Variants in BBS9 observed in about 807,000 individuals in gnomAD.
BBS9 encodes the protein Bardet-Biedl syndrome 9.
A neutral mutation model predicts 117.7 loss-of-function variants in BBS9; 89 were observed. That is an observed-to-expected ratio of 0.76 (90% confidence interval 0.64 to 0.90). BBS9 has a LOEUF of 0.90. Among genes scored for constraint, BBS9 ranks in the 40% least tolerant of loss-of-function variants. The pLI, the probability that BBS9 is intolerant of heterozygous loss-of-function variation, is 0.00. For missense variants in BBS9, 982 were observed against 1,042.2 expected, an observed-to-expected ratio of 0.94 and a Z score of 0.80; for synonymous variants, 379 against 370.9, an observed-to-expected ratio of 1.02 and a Z score of -0.25.
intron 19 of BBS9, among the ~76,000 whole-genome samples, chr7:33,416,913 T>C (rs1832097253): frequency 1.3e-5 from 2 of 152,192 alleles, no homozygotes; most frequent in Admixed American, 6.5e-5. Context: ...TTGATGCTCC[T>C]AGGTTTCTTT....
chr7:33,312,862 C>T (rs1353498684), intron 9 of BBS9, among the ~76,000 whole-genome samples: 1 of 152,068 alleles, frequency 6.6e-6, no homozygotes, highest in African/African-American at 2.4e-5. Flanking sequence ...ATTTTTCTCA[C>T]CCCTCTAAAA....
chr7:33,444,346 G>C (rs1185029354), intron 19 of BBS9, among the ~76,000 whole-genome samples: 2 of 152,162 alleles, frequency 1.3e-5, no homozygotes, highest in African/African-American at 2.4e-5. Flanking sequence ...TTTGGAAGTA[G>C]TCACTAAATA....
chr7:33,602,129 G>A (rs912334048), intron 21 of BBS9, among the ~76,000 whole-genome samples: 2 of 152,164 alleles, frequency 1.3e-5, no homozygotes, highest in Non-Finnish European at 2.9e-5. Flanking sequence ...GAATATGTGA[G>A]GCCATGCAGA....
intron 19 of BBS9, among the ~76,000 whole-genome samples, chr7:33,490,213 T>A (rs561271739): frequency 2.6e-5 from 4 of 152,228 alleles, no homozygotes; most frequent in Admixed American, 6.5e-5. Context: ...CCTTATCCAT[T>A]CAAATCCAAA....
rs556635226 is a variant in BBS9, at chr7:33,576,884, AC to A, written c.2522-27979del. ...AGCTGAAACTGGATCCCTTCCTTACACCTTATACAAAAATTAATTCAAGAGG... is the reference window on the plus strand; with the variant it reads ...AGCTGAAACTGGATCCCTTCCTTACACTTATACAAAAATTAATTCAAGAGG... On this transcript the variant is annotated intron_variant, in intron 21 of 22. Transcript: ENST00000242067. 2.4e-3 allele frequency among the ~76,000 whole-genome samples: 371 copies of A among 152,288 alleles called. 5 individuals are homozygous for A. The highest frequency in any genetic ancestry group is 0.014 in the Middle Eastern group (4 of 294).
At chr7:33,525,827 C>G (rs1424665386) in intron 20 of BBS9, among the ~76,000 whole-genome samples, 1 of 146,090 alleles carries the variant, frequency 6.8e-6, no homozygotes, top group African/African-American at 2.6e-5. Flanking sequence ...TTAGTTGATG[C>G]AGTTTCTTCC....
At chr7:33,457,129 C>T (rs905127761) in intron 19 of BBS9, among the ~76,000 whole-genome samples, 1 of 152,164 alleles carries the variant, frequency 6.6e-6, no homozygotes, top group Admixed American at 6.5e-5. Context: ...TTGCCCTCTT[C>T]TCTGGCTTCT....
At chr7:33,632,542 C>G (rs1242121027) in intron 21 of BBS9, among the ~76,000 whole-genome samples, 1 of 152,172 alleles carries the variant, frequency 6.6e-6, no homozygotes, top group Non-Finnish European at 1.5e-5. Flanking sequence ...GGTAGACTTG[C>G]GATTTTGCCT....
chr7:33,267,612 A>G (rs1799046855), intron 7 of BBS9, among the ~76,000 whole-genome samples: 1 of 152,102 alleles, frequency 6.6e-6, no homozygotes, highest in African/African-American at 2.4e-5. Flanking sequence ...TACCTTATAT[A>G]TAATATAAGA....
chr7:33,242,455 T>G (rs1166274972), intron 5 of BBS9, among the ~76,000 whole-genome samples: 1 of 152,172 alleles, frequency 6.6e-6, no homozygotes, highest in Non-Finnish European at 1.5e-5. Context: ...TATGGTTGTC[T>G]GATTTAGGAA....
intron 14 of BBS9, among the ~76,000 whole-genome samples, chr7:33,352,457 GA>G (rs1336439475): frequency 6.6e-6 from 1 of 152,076 alleles, no homozygotes; most frequent in Admixed American, 6.6e-5. Context: ...AGAGGAACTG[GA>G]TTGACTTTAA....
At chr7:33,308,199 A>G (rs1808445922) in intron 9 of BBS9, among the ~76,000 whole-genome samples, 1 of 152,270 alleles carries the variant, frequency 6.6e-6, no homozygotes, top group African/African-American at 2.4e-5. Context: ...ATTAGTAGGA[A>G]GCATAGCAAT....
At chr7:33,356,091 A>G (rs766359326) in intron 15 of BBS9, among the ~76,000 whole-genome samples, 10 of 151,830 alleles carry the variant, frequency 6.6e-5, no homozygotes, top group Non-Finnish European at 1.2e-4. Context: ...TTTTTGTTGT[A>G]CTAGTCATTA....
At chr7:33,568,334 C>T (rs936932228) in intron 21 of BBS9, among the ~76,000 whole-genome samples, 2 of 152,114 alleles carry the variant, frequency 1.3e-5, no homozygotes, top group Non-Finnish European at 2.9e-5. Flanking sequence ...ATATCTCCTC[C>T]AGAAGCTCTT....
At chr7:33,337,494 T>G (rs1423296764) in intron 10 of BBS9, among the ~76,000 whole-genome samples, 1 of 152,124 alleles carries the variant, frequency 6.6e-6, no homozygotes. Context: ...GAGTCTATGT[T>G]ACCAACATTG....
At chr7:33,451,226 C>T (rs1053496953) in intron 19 of BBS9, among the ~76,000 whole-genome samples, 1 of 152,054 alleles carries the variant, frequency 6.6e-6, no homozygotes, top group Non-Finnish European at 1.5e-5. Context: ...TCTACTTTTG[C>T]TTTTGTTGCC....
intron 6 of BBS9, 144 bp downstream of exon 6, chr7:33,257,554 A>G (rs187621522): frequency 6.9e-5 from 54 of 787,234 alleles, no homozygotes; most frequent in African/African-American, 5.5e-4. Flanking sequence ...GACTTAGACT[A>G]TATCATTTAC....
At chr7:33,348,084 TCAC>T (rs1030732724) in intron 12 of BBS9, among the ~76,000 whole-genome samples, 1 of 152,126 alleles carries the variant, frequency 6.6e-6, no homozygotes, top group Admixed American at 6.5e-5. Flanking sequence ...TTTGCAACTA[TCAC>T]CACAATTTAA....
Position 33,388,126 on chromosome 7 carries a change from A to G in BBS9, c.2097A>G (p.Leu699=). ...CTCTTCAACACCTGGACACCTTGTT[A>G]GATGGAACCTACAAGCAGGTCAGTA... is the stretch of plus-strand genomic sequence containing the variant. The part of the protein sequence containing the change: ...PAPLQHLDTL[L]DGTYKQVIAL... Residue 699 remains leucine (L), a synonymous_variant, in exon 19 of 23, where the codon TTA becomes TTG. Transcript: ENST00000242067. The G allele has an allele frequency of 1.9e-6, 3 of 1,614,168 alleles. No homozygotes were observed. The highest frequency in any genetic ancestry group is 2.5e-6 in the Non-Finnish European group (3 of 1,179,992).
Sources: allele counts gnomAD v4.1 joint callset (sites outside exome capture counted in the v4.1 genomes callset), GRCh38; gene constraint gnomAD v4.1.1; transcripts MANE v1.5; gene names NCBI Gene and HGNC (gene_info 2026-07-23, HGNC 2026-07-21).